DDX39B: variants seen among roughly 807,000 people sequenced by gnomAD.
DDX39B encodes the protein DExD-box helicase 39B, also known as spliceosome RNA helicase DDX39B.
Under a neutral mutation model 46.4 loss-of-function variants are expected in DDX39B, and 6 were observed. That is an observed-to-expected ratio of 0.13 (90% CI 0.07 to 0.26). The LOEUF (loss-of-function observed/expected upper bound fraction) is 0.26. Among genes scored for constraint, DDX39B ranks in the 10% least tolerant of loss-of-function variants. The pLI is 1.00. For missense variants in DDX39B, 185 were observed against 553.4 expected (o/e 0.33, Z 6.68); for synonymous variants, 174 against 199.4 (o/e 0.87, Z 1.07).
At position 31,541,690 on chromosome 6, in the gene DDX39B, G is replaced by C. The variant is rs145065924; in HGVS notation, c.-133+260C>G. On this transcript the variant is annotated intron_variant, in intron 1 of 10. Transcript: ENST00000396172. The stretch of plus-strand genomic sequence containing the variant: ...ATTGATGCTGAGGCCTCCAATATGA[G>C]AAGAACCCATTGGAAGAAGGGAGCA... 111 of 525,994 alleles carry C rather than the reference G, an allele frequency of 2.1e-4. 1 individual carries two copies. The highest frequency in any genetic ancestry group is 1.8e-3 in the African/African-American group (92 of 52,418). 32.6% of individuals were successfully genotyped at this position (525,994 alleles called of 1,614,324 possible).
intron 4 of DDX39B, among the ~76,000 whole-genome samples, chr6:31,537,507 T>A (rs1767916552): frequency 6.6e-6 from 1 of 152,168 alleles, no homozygotes. Context: ...CATGGAACAT[T>A]AAGGTTTCCT....
In DDX39B at chr6:31,535,287, G is replaced by T; in HGVS notation, c.735+80C>A. The T allele has an allele frequency of 7.3e-7, 1 of 1,363,592 alleles. No individual in the cohort carries two copies. Among genetic ancestry groups the T allele is most frequent in the Non-Finnish European group, 1.0e-6 (1 of 953,326 alleles). The allele number at this position is 1,363,592 out of a possible 1,614,324, so 84.5% of individuals were successfully genotyped here. On this transcript the variant is annotated intron_variant, in intron 6 of 10. Coordinates refer to ENST00000396172, the MANE Select transcript of DDX39B (RefSeq NM_004640.7). This position sits in a 1 kb window ranked among gnomAD's most constrained non-coding sequence, Gnocchi z 4.6. ...CGCCTTCTTGGCACTTGAATGACAA[G>T]GGAGTCTGAGGAAGAGGGCGAGGAA...
At position 31,531,552 on chromosome 6, in the gene DDX39B, G is replaced by C. The variant is rs1025659256; in HGVS notation, c.868-147C>G. On this transcript the variant is annotated intron_variant, in intron 7 of 10. Coordinates refer to ENST00000396172, the MANE Select transcript of DDX39B (RefSeq NM_004640.7). This position sits in a 1 kb window ranked among gnomAD's most constrained non-coding sequence, Gnocchi z 5.8. ...CTCTTATTCCCCCACTATATATTTA[G>C]AGCAGAAAAGGAAATATAACTTTAC... 4 of 697,944 alleles carry C rather than the reference G, an allele frequency of 5.7e-6. No homozygotes were observed. Among genetic ancestry groups the C allele is most frequent in the Non-Finnish European group, 9.7e-6 (4 of 414,040 alleles). The allele number at this position is 697,944 out of a possible 1,614,324, so 43.2% of individuals were successfully genotyped here. A position where few individuals can be genotyped will look rare whatever the true frequency, so the allele number is the denominator to read the frequency against.
chr6:31,531,625 G>C lies in DDX39B; in HGVS notation c.868-220C>G, dbSNP rs144802800. 1.8e-6 allele frequency: 1 copy of C among 552,204 alleles called. No homozygotes were observed. Among genetic ancestry groups the C allele is most frequent in the African/African-American group, 1.9e-5 (1 of 53,116 alleles). The allele number at this position is 552,204 out of a possible 1,614,324, so 34.2% of individuals were successfully genotyped here. A position where few individuals can be genotyped will look rare whatever the true frequency, so the allele number is the denominator to read the frequency against. ...GGAAGCTGGCCTCTGAGGTAGCACA[G>C]AGTTCAGAAATCAAAATTGCCAGAC... On this transcript the variant is annotated intron_variant, in intron 7 of 10. Transcript: ENST00000396172. This position sits in a 1 kb window ranked among gnomAD's most constrained non-coding sequence, Gnocchi z 5.8.
At position 31,540,588 on chromosome 6, in the gene DDX39B, A is replaced by G; in HGVS notation, c.-56T>C. On this transcript the variant is annotated 5_prime_UTR_variant, in exon 2 of 11. Coordinates refer to ENST00000396172, the MANE Select transcript of DDX39B (RefSeq NM_004640.7). ...GGATCTGGATGGGTTCTCGCAAAAT[A>G]GGTGAAAACAAGGGGTGAAGAGTAG... 6.4e-7 allele frequency: 1 copy of G among 1,557,138 alleles called. No homozygotes were observed. Among genetic ancestry groups the G allele is most frequent in the Non-Finnish European group, 8.8e-7 (1 of 1,133,026 alleles).
chr6:31,533,747 C>T (rs1316386934), intron 6 of DDX39B: 1 of 152,246 alleles, frequency 6.6e-6, no homozygotes, highest in African/African-American at 2.4e-5. Context: ...AGTGATCCTC[C>T]TGCTTCAGTC....
intron 1 of DDX39B, chr6:31,540,906 G>C (rs1170439419): frequency 5.0e-6 from 2 of 401,558 alleles, no homozygotes; most frequent in Middle Eastern, 7.8e-4. Context: ...AGAAAAGTTG[G>C]AAGGGGAAGA....
intron 6 of DDX39B, 75 bp from the exon 7 acceptor site, chr6:31,532,986 T>TTGATCTCC: frequency 4.3e-6 from 2 of 461,402 alleles, no homozygotes; most frequent in Non-Finnish European, 8.5e-6. Context: ...GTGGAGGAAG[T>TTGATCTCC]TGATCTCCAA....
rs1204328529 is a variant in DDX39B at position 31,540,563 on chromosome 6, G to A, written c.-31C>T. 6.2e-7 allele frequency: 1 copy of A among 1,610,412 alleles called. No homozygotes were observed. Among genetic ancestry groups the A allele is most frequent in the Non-Finnish European group, 8.5e-7 (1 of 1,177,754 alleles). ...GGCCGGCAGGGGAAGAAGGGAAGGG[G>A]GATCTGGATGGGTTCTCGCAAAATA... On this transcript the variant is annotated 5_prime_UTR_variant, in exon 2 of 11. Coordinates refer to ENST00000396172, the MANE Select transcript of DDX39B (RefSeq NM_004640.7).
At chr6:31,541,218 A>T in intron 1 of DDX39B, 1 of 533,540 alleles carries the variant, frequency 1.9e-6, no homozygotes, top group Non-Finnish European at 3.8e-6. Flanking sequence ...CCCACTTCTC[A>T]GTATCCTCCC....
chr6:31,541,911 C>T lies in DDX39B; in HGVS notation c.-133+39G>A, dbSNP rs62395765. The T allele has an allele frequency of 8.1e-3, 5,169 of 637,790 alleles. 42 individuals carry two copies. The highest frequency in any genetic ancestry group is 0.01 in the African/African-American group (568 of 55,196). 39.5% of individuals were successfully genotyped at this position (637,790 alleles called of 1,614,324 possible). A position where few individuals can be genotyped will look rare whatever the true frequency, so the allele number is the denominator to read the frequency against. ...ATGTGACGGGATGGGTGCGGAGAAGCGCAGATGGAAACGGATTGTAGCGAA... is the reference window on the plus strand; with the variant it reads ...ATGTGACGGGATGGGTGCGGAGAAGTGCAGATGGAAACGGATTGTAGCGAA... On this transcript the variant is annotated intron_variant, in intron 1 of 10. Coordinates refer to ENST00000396172, the MANE Select transcript of DDX39B (RefSeq NM_004640.7).
rs1045411887 is a variant in DDX39B at position 31,535,982 on chromosome 6, C to A, written c.617-497G>T. ...ATGACTTATGGGGCCTATGTCCAAC[C>A]CCACTCTCATTCACCAAGATTCAAT... On this transcript the variant is annotated intron_variant, in intron 5 of 10. Transcript: ENST00000396172. The surrounding 1 kb of genome is among the most constrained non-coding windows in gnomAD (Gnocchi z 4.6). 6.6e-6 allele frequency among the ~76,000 whole-genome samples: 1 copy of A among 152,104 alleles called. No individual in the cohort carries two copies. The highest frequency in any genetic ancestry group is 2.1e-4 in the South Asian group (1 of 4,834).
chr6:31,532,293 C>T (rs1474980984), intron 7 of DDX39B: 1 of 155,686 alleles, frequency 6.4e-6, no homozygotes, highest in Non-Finnish European at 1.4e-5. Flanking sequence ...AGCTGGAGCA[C>T]AGTAGTGCAA....
In DDX39B at chr6:31,530,563, G is replaced by A. The variant is rs1481353069; in HGVS notation, c.1271-113C>T. Reference sequence around the variant, plus strand: ...TACTGCCTGGGTTCAGAGGACGGACGTGGGGGTGAGGGAAGGGATGTAATA... The same window carrying A: ...TACTGCCTGGGTTCAGAGGACGGACATGGGGGTGAGGGAAGGGATGTAATA... On this transcript the variant is annotated intron_variant, in intron 10 of 10. Transcript: ENST00000396172. This position sits in a 1 kb window ranked among gnomAD's most constrained non-coding sequence, Gnocchi z 4.5. The A allele has an allele frequency of 8.2e-6, 12 of 1,456,968 alleles. No individual in the cohort carries two copies. Among genetic ancestry groups the A allele is most frequent in the African/African-American group, 5.6e-5 (4 of 70,954 alleles). The allele number at this position is 1,456,968 out of a possible 1,614,324, so 90.3% of individuals were successfully genotyped here. A position where few individuals can be genotyped will look rare whatever the true frequency, so the allele number is the denominator to read the frequency against.
chr6:31,536,555 G>A lies in DDX39B; in HGVS notation c.561C>T (p.Leu187=). 6.2e-7 allele frequency: 1 copy of A among 1,613,266 alleles called. No homozygotes were observed. The highest frequency in any genetic ancestry group is 1.1e-5 in the South Asian group (1 of 91,084). The change falls in exon 5 of 11, where the codon CTC becomes CTT. Residue 187 remains leucine (L), a synonymous_variant. Transcript: ENST00000396172. ...CCAAAATAAAGTGTTTAATGTGTTT[G>A]AGGTTGAGGCTCTTATTTCGAGCCA... ...LALARNKSLN[L]KHIKHFILDE...
Position 31,539,195 on chromosome 6 carries a change from T to C in DDX39B, c.291A>G (p.Ala97=). The C allele has an allele frequency of 6.2e-7, 1 of 1,613,272 alleles. No individual in the cohort carries two copies. Among genetic ancestry groups the C allele is most frequent in the Non-Finnish European group, 8.5e-7 (1 of 1,180,040 alleles). ...CQAKSGMGKT[A]VFVLATLQQL... ...GTTGCAGTGTGGCCAAGACAAACAC[T>C]GCTGTCTTTCCCATGCCCGACTTGG... Residue 97 remains alanine (A), a synonymous_variant, in exon 3 of 11, where the codon GCA becomes GCG. Coordinates refer to ENST00000396172, the MANE Select transcript of DDX39B (RefSeq NM_004640.7).
Position 31,534,597 on chromosome 6 carries a change from C to T in DDX39B, c.735+770G>A, listed in dbSNP as rs746997679. The T allele has an allele frequency of 2.7e-4, 116 of 432,968 alleles. 1 individual carries two copies. The highest frequency in any genetic ancestry group is 8.6e-4 in the South Asian group (51 of 59,520). 26.8% of individuals were successfully genotyped at this position (432,968 alleles called of 1,614,324 possible). ...CCTCCCCAACACATATTGGGGGAAACGGGGCACGGCACGCGTTGGGTTCAG... is the reference window on the plus strand; with the variant it reads ...CCTCCCCAACACATATTGGGGGAAATGGGGCACGGCACGCGTTGGGTTCAG... On this transcript the variant is annotated intron_variant, in intron 6 of 10. Coordinates refer to ENST00000396172, the MANE Select transcript of DDX39B (RefSeq NM_004640.7). The surrounding 1 kb of genome is among the most constrained non-coding windows in gnomAD (Gnocchi z 5.1).
In DDX39B at chr6:31,540,451, C is replaced by T; in HGVS notation, c.82G>A (p.Glu28Lys). The change falls in exon 2 of 11, where the codon GAG becomes AAG. Residue 28 changes from glutamate to lysine, a missense_variant. Around this residue, in one of 5 missense-constraint regions of DDX39B, gnomAD observed 30 missense variants for 41.6 expected, o/e 0.72. Transcript: ENST00000396172. ...TTGACATCCTTCTTGGCAGGGGCCT[C>T]AGCCCCATCTCCCCCAGCTGCTGTC... The part of the protein sequence containing the change: ...VETAAGGDGA[E>K]APAKKDVKGS... 4 of 1,614,212 alleles carry T rather than the reference C, an allele frequency of 2.5e-6. No homozygotes were observed. Among genetic ancestry groups the T allele is most frequent in the Non-Finnish European group, 3.4e-6 (4 of 1,180,044 alleles).
Position 31,538,643 on chromosome 6 carries a change from ACT to A in DDX39B, c.432+118_432+119del, listed in dbSNP as rs975615355. On this transcript the variant is annotated intron_variant, in intron 4 of 10. Coordinates refer to ENST00000396172, the MANE Select transcript of DDX39B (RefSeq NM_004640.7). Reference sequence around the variant, plus strand: ...TCCTCCTGTTACATAGGAACTCAACACTCTGTTACACCACAGCAAACTAAAGC... The same window carrying A: ...TCCTCCTGTTACATAGGAACTCAACACTGTTACACCACAGCAAACTAAAGC... 1.7e-4 allele frequency: 150 copies of A among 881,764 alleles called. 3 individuals carry two copies. Among genetic ancestry groups the A allele is most frequent in the South Asian group, 1.1e-3 (61 of 57,646 alleles). 54.6% of individuals were successfully genotyped at this position (881,764 alleles called of 1,614,324 possible).
Sources: gnomAD v4.1 joint callset for allele counts (sites outside exome capture counted in the v4.1 genomes callset) on GRCh38, gnomAD v4.1.1 for gene constraint, gnomAD v4.1.1 regional missense constraint, Gnocchi (gnomAD v3.1) non-coding constraint, MANE v1.5 for transcripts, NCBI Gene and HGNC (gene_info 2026-07-23, HGNC 2026-07-21) for gene names.